ANAPC11: variants seen among roughly 807,000 people sequenced by gnomAD.
ANAPC11 encodes the protein anaphase promoting complex subunit 11.
ANAPC11 carries 5 observed loss-of-function variants against 11.8 expected under a neutral mutation model. That is an observed-to-expected ratio of 0.42 (90% CI 0.22 to 0.89). The LOEUF (loss-of-function observed/expected upper bound fraction) is 0.89. ANAPC11 is among the 40% of genes least tolerant of loss of function. The probability of loss-of-function intolerance (pLI) is 0.28; values close to 1 mark genes in which losing one functional copy is unlikely to be tolerated. For synonymous variants in ANAPC11, 45 were observed against 41.0 expected (o/e 1.10, Z -0.38); for missense variants, 68 against 112.9 (o/e 0.60, Z 1.80).
chr17:81,892,336 G>A (rs1234702545), intron 1 of ANAPC11, among the ~76,000 whole-genome samples: 1 of 151,596 alleles, frequency 6.6e-6, no homozygotes, highest in Non-Finnish European at 1.5e-5. Context: ...GGGCATGGTG[G>A]TGCACTTCTG....
At position 81,900,147 on chromosome 17, in the gene ANAPC11, C is replaced by T; in HGVS notation, c.*82C>T. 6.3e-7 allele frequency: 1 copy of T among 1,576,162 alleles called. No individual in the cohort carries two copies. Among genetic ancestry groups the T allele is most frequent in the East Asian group, 2.3e-5 (1 of 43,684 alleles). On this transcript the variant is annotated 3_prime_UTR_variant, in exon 4 of 4. Coordinates refer to ENST00000344877, the MANE Select transcript of ANAPC11 (RefSeq NM_001002248.3). ...CCGATGGCTGCTGGGGACAGCGCCC[C>T]TGAGCTGCAACAAGGTGGAAACAAG...
At position 81,894,474 on chromosome 17, in the gene ANAPC11, T is replaced by C. The variant is rs775961180; in HGVS notation, c.-4T>C. The C allele has an allele frequency of 2.5e-6, 4 of 1,607,012 alleles. No individual in the cohort carries two copies. The South Asian group carries it at 4.4e-5, about 18-fold the overall frequency. On this transcript the variant is annotated 5_prime_UTR_variant, in exon 3 of 4. Transcript: ENST00000344877. ...CTGTTCCCTCCGCCGCAGGCTCTGC[T>C]GCCATGAAGGTGAAGATTAAGTGCT...
chr17:81,895,528 G>A (rs1000030905), intron 3 of ANAPC11, among the ~76,000 whole-genome samples: 4 of 152,214 alleles, frequency 2.6e-5, no homozygotes, highest in Non-Finnish European at 4.4e-5. Flanking sequence ...TCAAGAGATG[G>A]AGGCCGGCAT....
upstream of ANAPC11, chr17:81,891,000 G>A (rs530680565): frequency 1.7e-4 from 156 of 933,540 alleles, no homozygotes; most frequent in East Asian, 3.9e-3. Flanking sequence ...GTCCCACCGC[G>A]GCCGCACAAC....
At chr17:81,899,328 G>A (rs2143579742) in intron 3 of ANAPC11, 1 of 1,613,624 alleles carries the variant, frequency 6.2e-7, no homozygotes, top group Non-Finnish European at 8.5e-7. Flanking sequence ...CCATCCACAG[G>A]TGCCCATCAA....
intron 3 of ANAPC11, chr17:81,898,912 C>T: frequency 2.5e-6 from 1 of 402,650 alleles, no homozygotes; most frequent in South Asian, 3.1e-5. Flanking sequence ...TCAGAGTGGC[C>T]CAGACCCCTC....
At chr17:81,899,654 C>T in intron 3 of ANAPC11, 2 of 1,310,764 alleles carry the variant, frequency 1.5e-6, no homozygotes, top group Admixed American at 2.5e-5. Flanking sequence ...GCATGATGAG[C>T]CTGGGTGAGG....
upstream of ANAPC11, chr17:81,891,274 C>A: frequency 9.0e-7 from 1 of 1,105,440 alleles, no homozygotes; most frequent in South Asian, 3.9e-5. Flanking sequence ...CGGCCCCAGC[C>A]CCGGCTGGCC....
At chr17:81,895,836 G>A (rs544197255) in intron 3 of ANAPC11, among the ~76,000 whole-genome samples, 135 of 152,356 alleles carry the variant, frequency 8.9e-4, no homozygotes, top group Non-Finnish European at 1.7e-3. Flanking sequence ...GGTGTGTGGC[G>A]TGTGCCTGTA....
chr17:81,896,448 G>A (rs2039744824), intron 3 of ANAPC11, among the ~76,000 whole-genome samples: 1 of 152,150 alleles, frequency 6.6e-6, no homozygotes, highest in South Asian at 2.1e-4. Flanking sequence ...AAGTGGAAAT[G>A]TTTGATTATG....
chr17:81,899,252 T>C, intron 3 of ANAPC11: 1 of 1,611,588 alleles, frequency 6.2e-7, no homozygotes, highest in Non-Finnish European at 8.5e-7. Context: ...GTCCTCTCCA[T>C]GGAGAAAGCA....
rs753694115 is a variant in ANAPC11, at chr17:81,899,982, C to A, written c.172C>A (p.His58Asn). The A allele has an allele frequency of 1.9e-6, 3 of 1,613,026 alleles. No homozygotes were observed. ...WGQCSHCFHM[H>N]CILKWLHAQQ... is the part of the protein sequence containing the mutation. ...CCAGTGCTCCCACTGCTTCCACATG[C>A]ATTGCATCCTCAAGTGGCTGCACGC... Residue 58 changes from histidine to asparagine, a missense_variant, in exon 4 of 4, where the codon CAT (histidine) becomes AAT (asparagine). Coordinates refer to ENST00000344877, the MANE Select transcript of ANAPC11 (RefSeq NM_001002248.3).
At chr17:81,893,243 C>T (rs764670321) in intron 1 of ANAPC11, 1 of 152,194 alleles carries the variant, frequency 6.6e-6, no homozygotes, top group African/African-American at 2.4e-5. Flanking sequence ...CAGTTGCCCA[C>T]CACCACACCC....
At chr17:81,896,087 C>G (rs1175091802) in intron 3 of ANAPC11, among the ~76,000 whole-genome samples, 2 of 152,210 alleles carry the variant, frequency 1.3e-5, no homozygotes, top group African/African-American at 4.8e-5. Flanking sequence ...TGTTCGAGAC[C>G]AGCCTGGCCA....
chr17:81,899,706 C>G, intron 3 of ANAPC11: 1 of 988,232 alleles, frequency 1.0e-6, no homozygotes, highest in Non-Finnish European at 1.5e-6. Flanking sequence ...GGCCGCATGT[C>G]CGGTGTCCCT....
intron 2 of ANAPC11, 84 bp from the exon 3 acceptor site, chr17:81,894,383 G>A (rs1277115741): frequency 2.8e-6 from 2 of 726,330 alleles, no homozygotes; most frequent in African/African-American, 3.5e-5. Context: ...ACTGCACTGT[G>A]GCAGGCTTAT....
intron 3 of ANAPC11, 51 bp downstream of exon 3, chr17:81,894,637 T>G (rs2039671090): frequency 8.0e-7 from 1 of 1,251,130 alleles, no homozygotes; most frequent in African/African-American, 1.5e-5. Context: ...GAGTGTCCCC[T>G]CTGTGCTGTC....
At chr17:81,898,850 A>C in intron 3 of ANAPC11, 1 of 228,100 alleles carries the variant, frequency 4.4e-6, no homozygotes, top group Non-Finnish European at 8.6e-6. Context: ...CGGGTGGGGA[A>C]TGCACTAGAA....
At chr17:81,899,100 C>T in intron 3 of ANAPC11, 1 of 920,214 alleles carries the variant, frequency 1.1e-6, no homozygotes, top group Non-Finnish European at 1.6e-6. Context: ...CAATGCCAGG[C>T]CGACCCTGCC....
Sources: allele counts gnomAD v4.1 joint callset (sites outside exome capture counted in the v4.1 genomes callset), GRCh38; gene constraint gnomAD v4.1.1; transcripts MANE v1.5; gene names NCBI Gene and HGNC (gene_info 2026-07-23, HGNC 2026-07-21).